TBC1D9B: variants seen among roughly 807,000 people sequenced by gnomAD.
TBC1D9B encodes TBC1 domain family member 9B.
TBC1D9B carries 87 observed loss-of-function variants against 121.1 expected under a neutral mutation model. The ratio of observed to expected loss-of-function variants is 0.72; its 90% CI spans 0.60 to 0.86. TBC1D9B has a LOEUF of 0.86. Among genes scored for constraint, TBC1D9B ranks in the 40% least tolerant of loss-of-function variants. TBC1D9B has a pLI of 0.00. For synonymous variants in TBC1D9B, 668 were observed against 670.1 expected (o/e 1.00, Z 0.05); for missense variants, 1,540 against 1,628.6 (o/e 0.95, Z 0.94).
chr5:179,863,914 G>A lies in TBC1D9B; in HGVS notation c.3236C>T (p.Ala1079Val), dbSNP rs770555107. ...TGCAGCTGGGGGCTGAAGCTCCCTG[G>A]CTGCGTCCTGATGCAGTTCGGGTGC... The part of the protein sequence containing the change: ...PPAPELHQDA[A>V]RELQPPAAGD... Residue 1079 changes from alanine (A) to valine (V), a missense_variant, in exon 21 of 21, where the codon GCC (alanine) becomes GTC (valine). Ala to Val is a moderately conservative substitution (Grantham distance 64, BLOSUM62 0). Coordinates refer to ENST00000355235, the MANE Select transcript of TBC1D9B (RefSeq NM_015043.4). The surrounding 1 kb of genome is among the most constrained non-coding windows in gnomAD (Gnocchi z 4.5). 6.8e-6 allele frequency: 11 copies of A among 1,613,770 alleles called. No individual in the cohort carries two copies. The East Asian group carries it at 2.0e-4, about 29-fold the overall frequency.
At chr5:179,881,394 C>T (rs748445343) in intron 7 of TBC1D9B, among the ~76,000 whole-genome samples, 95 of 152,238 alleles carry the variant, frequency 6.2e-4, no homozygotes, top group Middle Eastern at 6.8e-3. Flanking sequence ...CCCTCCTGCC[C>T]GCCCACCTGC....
Position 179,892,191 on chromosome 5 carries a change from GC to G in TBC1D9B, c.837-606del, listed in dbSNP as rs912979039. 8.4e-4 allele frequency among the ~76,000 whole-genome samples: 128 copies of G among 152,340 alleles called. 1 individual carries two copies. Among genetic ancestry groups the G allele is most frequent in the South Asian group, 4.8e-3 (23 of 4,826 alleles). On this transcript the variant is annotated intron_variant, in intron 5 of 20. Coordinates refer to ENST00000355235, the MANE Select transcript of TBC1D9B (RefSeq NM_015043.4). ...GGGAGCCTCCTGCCTGCCCTGGGCCGCAGTGGCCTGACCAGGGCCTGACTGC... is the reference window on the plus strand; with the variant it reads ...GGGAGCCTCCTGCCTGCCCTGGGCCGAGTGGCCTGACCAGGGCCTGACTGC...
In TBC1D9B at chr5:179,878,470, T is replaced by G; in HGVS notation, c.1621A>C (p.Lys541Gln). The G allele has an allele frequency of 6.2e-7, 1 of 1,612,184 alleles. No individual in the cohort carries two copies. Among genetic ancestry groups the G allele is most frequent in the Non-Finnish European group, 8.5e-7 (1 of 1,179,244 alleles). The change falls in exon 10 of 21, where the codon AAG becomes CAG. Residue 541 changes from lysine (K) to glutamine (Q), a missense_variant. Physicochemically the swap from Lys to Gln is moderately conservative, Grantham distance 53. Transcript: ENST00000355235. ...GCCAGGCTGTACTTCCCGGTGGACT[T>G]CTCCACCAGCTCAGCATAGTACCCG... The part of the protein sequence containing the change: ...HPGYYAELVE[K>Q]STGKYSLATE...
intron 17 of TBC1D9B, chr5:179,868,810 G>C (rs1304556051): frequency 6.6e-6 from 1 of 152,634 alleles, no homozygotes; most frequent in Non-Finnish European, 1.5e-5. Context: ...GAGCCCAAGT[G>C]TTCTCTGTGT....
Position 179,879,695 on chromosome 5 carries a change from G to A in TBC1D9B, c.1349C>T (p.Thr450Ile). Residue 450 changes from threonine to isoleucine, a missense_variant, in exon 8 of 21, where the codon ACC becomes ATC. Thr to Ile is a moderately conservative substitution (Grantham distance 89). Coordinates refer to ENST00000355235, the MANE Select transcript of TBC1D9B (RefSeq NM_015043.4). ...GAGCTTCAGCAGGCCCTGGGATGCG[G>A]TTGGCGCCTCCTGCGCACAGAAGCT... ...RQSFCAQEAP[T>I]ASQGLLKLFQ... 6.2e-7 allele frequency: 1 copy of A among 1,614,210 alleles called. No homozygotes were observed.
chr5:179,904,122 T>C lies in TBC1D9B; in HGVS notation c.229+580A>G, dbSNP rs1761235166. On this transcript the variant is annotated intron_variant, in intron 2 of 20. Coordinates refer to ENST00000355235, the MANE Select transcript of TBC1D9B (RefSeq NM_015043.4). The surrounding 1 kb of genome is among the most constrained non-coding windows in gnomAD (Gnocchi z 4.2). Reference sequence around the variant, plus strand: ...ACCTTGAGAAAAGGTGGCATGAGAATGTGGACATTGGCTAGCCCCACACCT... The same window carrying C: ...ACCTTGAGAAAAGGTGGCATGAGAACGTGGACATTGGCTAGCCCCACACCT... Among the ~76,000 whole-genome samples the C allele has an allele frequency of 6.6e-6, 1 of 152,030 alleles. No individual in the cohort carries two copies. The highest frequency in any genetic ancestry group is 2.4e-5 in the African/African-American group (1 of 41,388).
In TBC1D9B at chr5:179,891,876, G is replaced by C. The variant is rs143812345; in HGVS notation, c.837-290C>G. Reference sequence around the variant, plus strand: ...ACACCTAGATGCTGGCCTGGGCAATGTGCAACCCATCCCTCGGTACTGATG... The same window carrying C: ...ACACCTAGATGCTGGCCTGGGCAATCTGCAACCCATCCCTCGGTACTGATG... On this transcript the variant is annotated intron_variant, in intron 5 of 20. Coordinates refer to ENST00000355235, the MANE Select transcript of TBC1D9B (RefSeq NM_015043.4). The surrounding 1 kb of genome is among the most constrained non-coding windows in gnomAD (Gnocchi z 4.3). Among the ~76,000 whole-genome samples the C allele has an allele frequency of 9.8e-5, 15 of 152,288 alleles. No individual in the cohort carries two copies. The highest frequency in any genetic ancestry group is 3.6e-4 in the African/African-American group (15 of 41,562).
intron 1 of TBC1D9B, among the ~76,000 whole-genome samples, chr5:179,905,872 T>C (rs1440344507): frequency 6.6e-6 from 1 of 152,240 alleles, no homozygotes; most frequent in African/African-American, 2.4e-5. Flanking sequence ...TTTAACACTT[T>C]TGTTTCATAG....
Position 179,888,161 on chromosome 5 carries a change from G to C in TBC1D9B, c.1196C>G (p.Ser399Cys). Residue 399 changes from serine to cysteine, a missense_variant, in exon 7 of 21, where the codon TCC (serine) becomes TGC (cysteine). By Grantham distance (112) the Ser-to-Cys change is moderately radical (BLOSUM62 -1). Transcript: ENST00000355235. ...RISDFLQKTPSKQPGSIGSRK... is the reference protein window; with the variant it reads ...RISDFLQKTPCKQPGSIGSRK... ...GCTCCCGATACTGCCTGGCTGCTTG[G>C]ATGGTGTTTTCTGGAGGAAGTCAGA... is the stretch of plus-strand genomic sequence containing the variant. 6.2e-7 allele frequency: 1 copy of C among 1,613,768 alleles called. No homozygotes were observed.
chr5:179,882,338 C>T (rs888327567), intron 7 of TBC1D9B, among the ~76,000 whole-genome samples: 7 of 152,180 alleles, frequency 4.6e-5, no homozygotes, highest in Admixed American at 2.0e-4. Flanking sequence ...TTCCTACTAT[C>T]TAACCTTAAT....
chr5:179,893,042 C>T (rs777019062), intron 5 of TBC1D9B, among the ~76,000 whole-genome samples, 167 bp downstream of exon 5: 16 of 152,232 alleles, frequency 1.1e-4, no homozygotes, highest in Non-Finnish European at 1.5e-4. Context: ...CCTCTCCACA[C>T]GGGACTGCAA....
chr5:179,893,668 C>G (rs1051095109), intron 4 of TBC1D9B, among the ~76,000 whole-genome samples: 1 of 152,116 alleles, frequency 6.6e-6, no homozygotes, highest in Non-Finnish European at 1.5e-5. Context: ...TCCAGACCAA[C>G]CACACACGGT....
chr5:179,865,277 T>TA lies in TBC1D9B; in HGVS notation c.2997dup (p.Lys1000Ter). 6.2e-7 allele frequency: 1 copy of TA among 1,614,184 alleles called. No homozygotes were observed. The highest frequency in any genetic ancestry group is 2.2e-5 in the East Asian group (1 of 44,886). On this transcript the variant is annotated frameshift_variant, in exon 20 of 21. Coordinates refer to ENST00000355235, the MANE Select transcript of TBC1D9B (RefSeq NM_015043.4). LOFTEE classifies it low-confidence loss of function (END_TRUNC). This position sits in a 1 kb window ranked among gnomAD's most constrained non-coding sequence, Gnocchi z 5.1. ...ACCTGGTTCATCTTGGGAAGATCCTTAATCGTCTCCTTCTGAGCCTCTTTC... is the reference window on the plus strand; with the variant it reads ...ACCTGGTTCATCTTGGGAAGATCCTTAAATCGTCTCCTTCTGAGCCTCTTTC...
At chr5:179,892,779 C>G in intron 5 of TBC1D9B, among the ~76,000 whole-genome samples, 1 of 152,178 alleles carries the variant, frequency 6.6e-6, no homozygotes, top group East Asian at 1.9e-4. Context: ...AGGCCGTGCA[C>G]TTGAGCCCAG....
In TBC1D9B at chr5:179,867,755, C is replaced by T. The variant is rs202076327; in HGVS notation, c.2863+23G>A. On this transcript the variant is annotated intron_variant, in intron 18 of 20. Transcript: ENST00000355235. ...GCTGCAGAGTGCTGGCTGGGCATGT[C>T]GGGTGTTCCAGTGGCCGCTCACCTT... 4.0e-4 allele frequency: 637 copies of T among 1,596,878 alleles called. 1 individual carries two copies. In the African/African-American group the frequency reaches 7.5e-3, roughly 19 times the overall value.
At chr5:179,889,864 CCT>C (rs1760810353) in intron 6 of TBC1D9B, among the ~76,000 whole-genome samples, 1 of 133,660 alleles carries the variant, frequency 7.5e-6, no homozygotes, top group Admixed American at 7.4e-5. Flanking sequence ...AGAGTGAGAC[CCT>C]GTCTCAAAAA....
chr5:179,863,987 T>C lies in TBC1D9B; in HGVS notation c.3163A>G (p.Thr1055Ala). ...GCACAGTCCCTGGGCTTCCTGCCTG[T>C]GCGGGCTGAGAACTTCTTCCCCACC... ...GEVGKKFSAR[T>A]GRKPRDCATE... Residue 1055 changes from threonine to alanine, a missense_variant, in exon 21 of 21, where the codon ACA becomes GCA. Thr to Ala is a moderately conservative substitution (Grantham distance 58). Transcript: ENST00000355235. This position sits in a 1 kb window ranked among gnomAD's most constrained non-coding sequence, Gnocchi z 4.5. 1.2e-6 allele frequency: 2 copies of C among 1,613,842 alleles called. No individual in the cohort carries two copies. Among genetic ancestry groups the C allele is most frequent in the African/African-American group, 1.3e-5 (1 of 75,036 alleles).
chr5:179,890,413 C>A lies in TBC1D9B; in HGVS notation c.1044+966G>T, dbSNP rs1210380327. Among the ~76,000 whole-genome samples, 1 of 152,180 alleles carries A rather than the reference C, an allele frequency of 6.6e-6. No homozygotes were observed. The highest frequency in any genetic ancestry group is 1.5e-5 in the Non-Finnish European group (1 of 68,026). ...CAGGAAGACCCCTAGGCCTGGGGGA[C>A]AGGTCAGTACAGTGCCCCGGACAGA... On this transcript the variant is annotated intron_variant, in intron 6 of 20. Coordinates refer to ENST00000355235, the MANE Select transcript of TBC1D9B (RefSeq NM_015043.4). This position sits in a 1 kb window ranked among gnomAD's most constrained non-coding sequence, Gnocchi z 5.0.
In TBC1D9B at chr5:179,904,763, C is replaced by A. The variant is rs201841916; in HGVS notation, c.168G>T (p.Val56=). The A allele has an allele frequency of 7.7e-5, 121 of 1,578,794 alleles. No individual in the cohort carries two copies. The African/African-American group carries it at 1.5e-3, about 20-fold the overall frequency. ...TCTGGTGCAGGATGCGGTAAGGGGC[C>A]ACGCGGGCACTGGAGTCCAGCACCA... The part of the protein sequence containing the change: ...LDVVLDSSAR[V]APYRILHQTQ... Residue 56 remains valine (V), a synonymous_variant, in exon 2 of 21, where the codon GTG becomes GTT. Coordinates refer to ENST00000355235, the MANE Select transcript of TBC1D9B (RefSeq NM_015043.4). The surrounding 1 kb of genome is among the most constrained non-coding windows in gnomAD (Gnocchi z 4.2).
Sources: gnomAD v4.1 joint callset for allele counts (sites outside exome capture counted in the v4.1 genomes callset) on GRCh38, gnomAD v4.1.1 for gene constraint, Gnocchi (gnomAD v3.1) non-coding constraint, MANE v1.5 for transcripts, NCBI Gene and HGNC (gene_info 2026-07-23, HGNC 2026-07-21) for gene names.